PCDH15: variants seen among roughly 807,000 people sequenced by gnomAD.
PCDH15 encodes protocadherin related 15, also known as protocadherin-15.
A neutral mutation model predicts 178.5 loss-of-function variants in PCDH15; 129 were observed. That is an observed-to-expected ratio of 0.72 (90% CI 0.63 to 0.84). The LOEUF is 0.84. Ranked by LOEUF, PCDH15 falls within the 40% of genes least tolerant of loss-of-function variation. The pLI, the probability that PCDH15 is intolerant of heterozygous loss-of-function variation, is 0.00. For missense variants in PCDH15, 2,230 were observed against 2,099.9 expected, an observed-to-expected ratio of 1.06 and a Z score of -1.21; for synonymous variants, 800 against 732.0, an observed-to-expected ratio of 1.09 and a Z score of -1.50.
rs957928777 is a variant in PCDH15 at position 53,806,394 on chromosome 10, A to G, written c.*185T>C. 1.1e-5 allele frequency: 6 copies of G among 549,900 alleles called. No homozygotes were observed. In the African/African-American group the frequency reaches 1.1e-4, roughly 10 times the overall value. 34.1% of individuals were successfully genotyped at this position (549,900 alleles called of 1,614,324 possible). ...AGTATGTCCAAAAGGATTTTCTGGG[A>G]AAAACGATTAATTGATAACAATGTG... On this transcript the variant is annotated 3_prime_UTR_variant, in exon 38 of 38. Transcript: ENST00000644397.
At chr10:54,574,813 G>A (rs2090270776) in intron 2 of PCDH15, among the ~76,000 whole-genome samples, 1 of 146,812 alleles carries the variant, frequency 6.8e-6, no homozygotes, top group African/African-American at 2.5e-5. Context: ...TATACCCAAA[G>A]GACTATAAAT....
At chr10:53,955,572 G>T (rs1050661503) in intron 23 of PCDH15, among the ~76,000 whole-genome samples, 1 of 152,118 alleles carries the variant, frequency 6.6e-6, no homozygotes, top group African/African-American at 2.4e-5. Context: ...AGACATTCCT[G>T]AGATGTAAAA....
At chr10:55,602,168 C>T (rs983223607) in intron 2 of PCDH15, among the ~76,000 whole-genome samples, 6 of 152,156 alleles carry the variant, frequency 3.9e-5, no homozygotes, top group Middle Eastern at 3.2e-3. Flanking sequence ...CCGAATACTG[C>T]GCTTTTCCAA....
At chr10:54,858,038 G>A (rs1417969994) in intron 3 of PCDH15, among the ~76,000 whole-genome samples, 2 of 152,104 alleles carry the variant, frequency 1.3e-5, no homozygotes, top group African/African-American at 4.8e-5. Flanking sequence ...TCTTGAAAAC[G>A]TGTATGTCCT....
At chr10:53,820,329 C>CTAAT (rs774103495) in intron 32 of PCDH15, 99 bp from the exon 33 acceptor site, 32 of 393,176 alleles carry the variant, frequency 8.1e-5, no homozygotes, top group Admixed American at 2.7e-4. Flanking sequence ...AGCAGATGGG[C>CTAAT]TAATAAAAAT....
chr10:53,827,105 G>C (rs966180742), intron 32 of PCDH15, among the ~76,000 whole-genome samples: 1 of 151,790 alleles, frequency 6.6e-6, no homozygotes, highest in Non-Finnish European at 1.5e-5. Context: ...GCATGACCCT[G>C]AGGATTGAGA....
intron 1 of PCDH15, among the ~76,000 whole-genome samples, chr10:55,277,154 A>T (rs1469273057): frequency 6.6e-6 from 1 of 151,890 alleles, no homozygotes; most frequent in Non-Finnish European, 1.5e-5. Flanking sequence ...CACGACCTAT[A>T]TTTTTTCTGA....
intron 2 of PCDH15, among the ~76,000 whole-genome samples, chr10:55,077,437 T>TCC (rs749296314): frequency 3.0e-4 from 44 of 146,842 alleles, no homozygotes; most frequent in African/African-American, 6.1e-4. Context: ...CTTCCTTCCT[T>TCC]TCTTCCTTCC....
upstream of PCDH15, among the ~76,000 whole-genome samples, chr10:54,803,350 T>C (rs1290696867): frequency 6.6e-6 from 1 of 152,230 alleles, no homozygotes; most frequent in Admixed American, 6.5e-5. Context: ...CTAATTTTAA[T>C]ATATTTGTAG....
At chr10:55,473,497 C>T (rs1275698133) in intron 2 of PCDH15, among the ~76,000 whole-genome samples, 2 of 152,150 alleles carry the variant, frequency 1.3e-5, no homozygotes, top group Non-Finnish European at 2.9e-5. Flanking sequence ...AAAACAACTA[C>T]ATGGAAGAAG....
chr10:54,978,917 G>C (rs972320752), intron 2 of PCDH15, among the ~76,000 whole-genome samples: 1 of 152,032 alleles, frequency 6.6e-6, no homozygotes, highest in Non-Finnish European at 1.5e-5. Flanking sequence ...TCTGTCTTTT[G>C]TCATAGGGCA....
At chr10:54,124,718 A>G (rs1305964207) in intron 15 of PCDH15, among the ~76,000 whole-genome samples, 1 of 152,226 alleles carries the variant, frequency 6.6e-6, no homozygotes, top group Admixed American at 6.5e-5. Context: ...CAGCTGTGAA[A>G]CATTCATGAA....
intron 2 of PCDH15, among the ~76,000 whole-genome samples, chr10:55,337,176 C>A (rs1429120851): frequency 6.6e-6 from 1 of 152,062 alleles, no homozygotes; most frequent in African/African-American, 2.4e-5. Flanking sequence ...AAACTAAAAT[C>A]TCAGATGATA....
intron 23 of PCDH15, among the ~76,000 whole-genome samples, chr10:53,957,375 T>C (rs1037925166): frequency 3.3e-5 from 5 of 152,132 alleles, no homozygotes; most frequent in Non-Finnish European, 5.9e-5. Flanking sequence ...AAAATTAACA[T>C]GTTCAGAGAA....
chr10:54,903,980 A>G (rs898424733), intron 2 of PCDH15, among the ~76,000 whole-genome samples: 24 of 152,154 alleles, frequency 1.6e-4, no homozygotes, highest in South Asian at 4.1e-4. Flanking sequence ...TATTATTACT[A>G]TTATGGCACA....
intron 2 of PCDH15, chr10:54,654,897 T>C (rs1364603670): frequency 6.6e-6 from 1 of 152,142 alleles, no homozygotes; most frequent in Admixed American, 6.5e-5. Flanking sequence ...TTCTTTCTTT[T>C]CCCTGTCTCA....
chr10:53,934,795 C>T (rs568323088), intron 25 of PCDH15, among the ~76,000 whole-genome samples: 7 of 152,174 alleles, frequency 4.6e-5, no homozygotes, highest in Admixed American at 1.3e-4. Flanking sequence ...TTCTCTTTTC[C>T]GGGCTGCTTT....
chr10:53,885,105 G>T (rs1411072457), intron 26 of PCDH15, among the ~76,000 whole-genome samples: 1 of 152,012 alleles, frequency 6.6e-6, no homozygotes, highest in African/African-American at 2.4e-5. Flanking sequence ...TTTGAAAAAT[G>T]GCAATGTTGA....
chr10:55,329,781 T>A (rs1359627121), intron 2 of PCDH15, among the ~76,000 whole-genome samples: 1 of 151,778 alleles, frequency 6.6e-6, no homozygotes, highest in Non-Finnish European at 1.5e-5. Flanking sequence ...GGAAACAGAT[T>A]ACTTATACAG....
Sources: gnomAD v4.1 joint callset for allele counts (sites outside exome capture counted in the v4.1 genomes callset) on GRCh38, gnomAD v4.1.1 for gene constraint, MANE v1.5 for transcripts, NCBI Gene and HGNC (gene_info 2026-07-23, HGNC 2026-07-21) for gene names.